CYRIA: variants seen among roughly 807,000 people sequenced by gnomAD.
CYRIA encodes CYFIP related Rac1 interactor A, also known as CYFIP-related Rac1 interactor A.
In CYRIA, 15 loss-of-function variants were observed where a neutral mutation model predicts 43.9. The ratio of observed to expected loss-of-function variants is 0.34; its 90% CI spans 0.23 to 0.53. CYRIA has a LOEUF of 0.53. CYRIA is among the 20% of genes least tolerant of loss of function. The pLI is 0.94. For missense variants in CYRIA, 236 were observed against 394.2 expected, an observed-to-expected ratio of 0.60 and a Z score of 3.40; for synonymous variants, 117 against 136.0, an observed-to-expected ratio of 0.86 and a Z score of 0.97.
intron 1 of CYRIA, among the ~76,000 whole-genome samples, chr2:16,633,792 G>A (rs769350170): frequency 1.3e-5 from 2 of 152,010 alleles, no homozygotes; most frequent in African/African-American, 2.4e-5. Flanking sequence ...CACATTTGAT[G>A]ATGTGTCATC....
At chr2:16,619,103 G>A (rs1204614258) in intron 2 of CYRIA, among the ~76,000 whole-genome samples, 3 of 152,134 alleles carry the variant, frequency 2.0e-5, no homozygotes, top group Non-Finnish European at 4.4e-5. Context: ...CTACCTCCTG[G>A]AGCTTGTGAA....
chr2:16,655,362 C>A (rs574496828), intron 1 of CYRIA, among the ~76,000 whole-genome samples: 2 of 152,290 alleles, frequency 1.3e-5, no homozygotes, highest in Non-Finnish European at 2.9e-5. Flanking sequence ...AATGGAGGAA[C>A]TGAGGCTCAG....
intron 1 of CYRIA, among the ~76,000 whole-genome samples, chr2:16,648,110 G>A (rs2103544141): frequency 6.6e-6 from 1 of 152,278 alleles, no homozygotes; most frequent in African/African-American, 2.4e-5. Flanking sequence ...GAAAGGTTAA[G>A]TAATTTGCCT....
intron 11 of CYRIA, among the ~76,000 whole-genome samples, chr2:16,553,327 A>G (rs1159149207): frequency 6.6e-6 from 1 of 152,126 alleles, no homozygotes; most frequent in Non-Finnish European, 1.5e-5. Flanking sequence ...CTAACTCACA[A>G]ATTTCAGAAT....
chr2:16,634,135 C>T (rs1424813942), intron 1 of CYRIA, among the ~76,000 whole-genome samples: 9 of 152,148 alleles, frequency 5.9e-5, no homozygotes, highest in Admixed American at 2.6e-4. Context: ...TGTTGACAGC[C>T]AGCCGATCCA....
At chr2:16,644,083 T>C (rs1411084469) in intron 1 of CYRIA, among the ~76,000 whole-genome samples, 1 of 152,228 alleles carries the variant, frequency 6.6e-6, no homozygotes, top group African/African-American at 2.4e-5. Flanking sequence ...CAACTCAGTC[T>C]GGAACTAGGT....
At chr2:16,627,808 A>G (rs1335461417) in intron 1 of CYRIA, among the ~76,000 whole-genome samples, 2 of 152,178 alleles carry the variant, frequency 1.3e-5, no homozygotes, top group Non-Finnish European at 2.9e-5. Context: ...CCCTCTGGGT[A>G]GCAGCCGACC....
chr2:16,569,621 G>C (rs1455512002), intron 3 of CYRIA, among the ~76,000 whole-genome samples: 1 of 152,170 alleles, frequency 6.6e-6, no homozygotes. Context: ...CAGCTTTCAA[G>C]GAAGAGAGTG....
At chr2:16,561,939 GA>G in intron 6 of CYRIA, 65 bp downstream of exon 6, 1 of 1,489,976 alleles carries the variant, frequency 6.7e-7, no homozygotes, top group Non-Finnish European at 9.1e-7. Flanking sequence ...AGCACTAACA[GA>G]ACAGCTGTAA....
intron 2 of CYRIA, among the ~76,000 whole-genome samples, chr2:16,611,097 C>T (rs1274868860): frequency 4.0e-5 from 6 of 151,746 alleles, no homozygotes; most frequent in East Asian, 3.9e-4. Context: ...CCGTGGCTCA[C>T]GCCTGTAATC....
intron 2 of CYRIA, among the ~76,000 whole-genome samples, chr2:16,599,453 G>T (rs1192284377): frequency 1.3e-5 from 1 of 76,654 alleles, no homozygotes; most frequent in Non-Finnish European, 2.5e-5. Context: ...TTCTTAAGCC[G>T]GTCTGAAAAG....
rs116642874 is a variant in CYRIA, at chr2:16,589,435, C to T, written c.-10-1306G>A. Among the ~76,000 whole-genome samples, 981 of 152,104 alleles carry T rather than the reference C, an allele frequency of 6.4e-3. 19 individuals are homozygous for T. Among genetic ancestry groups the T allele is most frequent in the African/African-American group, 0.022 (925 of 41,504 alleles). On this transcript the variant is annotated intron_variant, in intron 2 of 11. Coordinates refer to ENST00000381323, the MANE Select transcript of CYRIA (RefSeq NM_030797.4). ...GAAAACACACATTTGCAGACATACT[C>T]CCCGATATAAATCACTAACATGAAA...
chr2:16,584,849 T>C (rs1667670545), intron 3 of CYRIA, among the ~76,000 whole-genome samples: 1 of 152,192 alleles, frequency 6.6e-6, no homozygotes, highest in African/African-American at 2.4e-5. Context: ...ATGCCACCTC[T>C]TGCAAGAAGA....
chr2:16,579,886 C>T (rs1160950548), intron 3 of CYRIA, among the ~76,000 whole-genome samples: 2 of 151,534 alleles, frequency 1.3e-5, no homozygotes, highest in Non-Finnish European at 2.9e-5. Flanking sequence ...CAAATACAAA[C>T]ATTAATTAAA....
intron 1 of CYRIA, among the ~76,000 whole-genome samples, chr2:16,661,726 C>T (rs1395085540): frequency 6.6e-6 from 1 of 152,182 alleles, no homozygotes; most frequent in East Asian, 1.9e-4. Flanking sequence ...TTTTAGGTCA[C>T]TGACACGCCA....
chr2:16,651,875 G>T (rs974249530), intron 1 of CYRIA, among the ~76,000 whole-genome samples: 2 of 152,120 alleles, frequency 1.3e-5, no homozygotes, highest in African/African-American at 4.8e-5. Context: ...CTTCAGATAA[G>T]GTTCTTCAAG....
chr2:16,643,758 T>C (rs765383189), intron 1 of CYRIA, among the ~76,000 whole-genome samples: 3 of 152,066 alleles, frequency 2.0e-5, no homozygotes, highest in Non-Finnish European at 2.9e-5. Flanking sequence ...AGACATAGTG[T>C]TTTAGAGCCT....
chr2:16,566,493 G>A (rs1235018213), intron 3 of CYRIA, among the ~76,000 whole-genome samples: 2 of 152,146 alleles, frequency 1.3e-5, no homozygotes, highest in Admixed American at 6.5e-5. Context: ...GAACACATGG[G>A]TATGTAGAGA....
intron 1 of CYRIA, among the ~76,000 whole-genome samples, chr2:16,637,544 T>A (rs1005238849): frequency 6.6e-6 from 1 of 152,234 alleles, no homozygotes; most frequent in African/African-American, 2.4e-5. Flanking sequence ...TCCAGAACCG[T>A]GAGAAATGTA....
Sources: allele counts gnomAD v4.1 joint callset (sites outside exome capture counted in the v4.1 genomes callset), GRCh38; gene constraint gnomAD v4.1.1; transcripts MANE v1.5; gene names NCBI Gene and HGNC (gene_info 2026-07-23, HGNC 2026-07-21).